Variants in NTM observed in about 807,000 individuals in gnomAD.
NTM encodes the protein IgLON family member 2.
Under a neutral mutation model 42.1 loss-of-function variants are expected in NTM, and 13 were observed. That is an observed-to-expected ratio of 0.31 (90% CI 0.20 to 0.49). The LOEUF (loss-of-function observed/expected upper bound fraction) is 0.49. Ranked by LOEUF, NTM falls within the 20% of genes least tolerant of loss-of-function variation. The probability of loss-of-function intolerance (pLI) is 0.99; values close to 1 mark genes in which losing one functional copy is unlikely to be tolerated. For synonymous variants in NTM, 187 were observed against 179.2 expected (o/e 1.04, Z -0.35); for missense variants, 373 against 452.8 (o/e 0.82, Z 1.60).
intron 4 of NTM, among the ~76,000 whole-genome samples, chr11:132,282,976 CTTTTTT>C (rs142817071): frequency 0.017 from 1,802 of 109,004 alleles, 26 homozygotes; most frequent in African/African-American, 0.057. Context: ...TCCTTTATTC[CTTTTTT>C]TTTTTTTTTT....
At chr11:131,549,691 CAGAA>C (rs1334497000) in intron 1 of NTM, among the ~76,000 whole-genome samples, 48 of 152,288 alleles carry the variant, frequency 3.2e-4, no homozygotes, top group African/African-American at 1.1e-3. Context: ...CTTCGATCCT[CAGAA>C]AGGGTTTTCA....
intron 1 of NTM, among the ~76,000 whole-genome samples, chr11:131,685,880 G>C (rs1250682138): frequency 6.6e-6 from 1 of 152,194 alleles, no homozygotes; most frequent in Admixed American, 6.5e-5. Context: ...TTAGAATCAA[G>C]TCATGGTAAC....
chr11:131,705,982 T>C (rs2076553604), intron 1 of NTM, among the ~76,000 whole-genome samples: 1 of 152,064 alleles, frequency 6.6e-6, no homozygotes, highest in African/African-American at 2.4e-5. Context: ...AGTCCTTATC[T>C]ATCAATAATT....
At chr11:131,598,403 C>T (rs143918718) in intron 1 of NTM, among the ~76,000 whole-genome samples, 5 of 152,294 alleles carry the variant, frequency 3.3e-5, no homozygotes, top group East Asian at 3.9e-4. Flanking sequence ...TTGTACTACA[C>T]GCTTGTCTTT....
intron 2 of NTM, among the ~76,000 whole-genome samples, chr11:131,964,800 C>T (rs1165298952): frequency 2.0e-5 from 3 of 152,152 alleles, no homozygotes; most frequent in Non-Finnish European, 4.4e-5. Context: ...AATGCAGTAT[C>T]ACCAGCTTGA....
intron 3 of NTM, among the ~76,000 whole-genome samples, chr11:132,177,227 A>T (rs1341924503): frequency 6.6e-6 from 1 of 152,256 alleles, no homozygotes; most frequent in Non-Finnish European, 1.5e-5. Flanking sequence ...TACATGCATG[A>T]TTCAACATAA....
At chr11:131,770,240 C>T (rs936910698) in intron 1 of NTM, among the ~76,000 whole-genome samples, 3 of 152,226 alleles carry the variant, frequency 2.0e-5, no homozygotes, top group Admixed American at 1.3e-4. Flanking sequence ...CCAGAAGTCC[C>T]CGCTGAGCAG....
In NTM at chr11:131,549,619, C is replaced by T. The variant is rs182407533; in HGVS notation, c.82+178731C>T. Among the ~76,000 whole-genome samples the T allele has an allele frequency of 5.6e-3, 859 of 152,262 alleles. 7 individuals carry two copies. Among genetic ancestry groups the T allele is most frequent in the African/African-American group, 0.02 (822 of 41,546 alleles). ...GCTCCAAGGAAGGGAACTAGCCCGC[C>T]CAAGCCACAAGGGGCTGTGCTTTCT... On this transcript the variant is annotated intron_variant, in intron 1 of 8. Coordinates refer to ENST00000683400, the MANE Select transcript of NTM (RefSeq NM_001352005.2).
intron 1 of NTM, among the ~76,000 whole-genome samples, chr11:131,806,927 A>G (rs2136277389): frequency 6.6e-6 from 1 of 152,362 alleles, no homozygotes; most frequent in African/African-American, 2.4e-5. Flanking sequence ...TTATTAGGGT[A>G]TAAATATTGC....
chr11:131,565,530 T>C (rs2056786916), intron 1 of NTM, among the ~76,000 whole-genome samples: 2 of 152,318 alleles, frequency 1.3e-5, no homozygotes, highest in South Asian at 4.1e-4. Context: ...AACATCTTTG[T>C]TGTCATGGCT....
chr11:131,382,255 G>GTGC (rs1942780647), intron 1 of NTM, among the ~76,000 whole-genome samples: 1 of 152,112 alleles, frequency 6.6e-6, no homozygotes, highest in Non-Finnish European at 1.5e-5. Flanking sequence ...GGGAGACTGG[G>GTGC]ATCCTTCCTG....
At chr11:131,868,605 C>T (rs2047457192) in intron 1 of NTM, among the ~76,000 whole-genome samples, 2 of 152,232 alleles carry the variant, frequency 1.3e-5, no homozygotes, top group Non-Finnish European at 2.9e-5. Context: ...TTTGCCCTCC[C>T]TCTTCGAGAG....
At chr11:131,951,573 A>G (rs2060986693) in intron 2 of NTM, among the ~76,000 whole-genome samples, 2 of 152,112 alleles carry the variant, frequency 1.3e-5, no homozygotes, top group Admixed American at 6.5e-5. Context: ...ATGAAAGTCC[A>G]GCTTCTTTGG....
chr11:131,663,984 A>G (rs1019261617), intron 1 of NTM, among the ~76,000 whole-genome samples: 1 of 152,160 alleles, frequency 6.6e-6, no homozygotes. Flanking sequence ...CTGCTTTGGG[A>G]TGAAAATTCT....
chr11:131,543,751 G>T (rs1033844662), intron 1 of NTM, among the ~76,000 whole-genome samples: 1 of 152,178 alleles, frequency 6.6e-6, no homozygotes, highest in East Asian at 1.9e-4. Context: ...GCTGGTGCCC[G>T]TAGCCCTGCA....
intron 3 of NTM, among the ~76,000 whole-genome samples, chr11:132,150,836 T>G (rs2071735267): frequency 6.6e-6 from 1 of 152,268 alleles, no homozygotes; most frequent in South Asian, 2.1e-4. Context: ...AATACTAACA[T>G]GTCTAAAGAT....
chr11:131,397,319 T>C (rs1390848788), intron 1 of NTM, among the ~76,000 whole-genome samples: 1 of 152,114 alleles, frequency 6.6e-6, no homozygotes, highest in Non-Finnish European at 1.5e-5. Context: ...GCCAACTAGA[T>C]AGCAGATGCC....
At chr11:131,413,809 T>G (rs1459936332) in intron 1 of NTM, among the ~76,000 whole-genome samples, 7 of 152,004 alleles carry the variant, frequency 4.6e-5, no homozygotes. Context: ...GGACAAGTTA[T>G]GGAGATGAAA....
intron 1 of NTM, among the ~76,000 whole-genome samples, chr11:131,837,055 CTT>C (rs2043593182): frequency 6.6e-6 from 1 of 152,132 alleles, no homozygotes; most frequent in African/African-American, 2.4e-5. Context: ...TGTCCTTAAA[CTT>C]TAGATTACAG....
Sources: gnomAD v4.1 joint callset for allele counts (sites outside exome capture counted in the v4.1 genomes callset) on GRCh38, gnomAD v4.1.1 for gene constraint, MANE v1.5 for transcripts, NCBI Gene and HGNC (gene_info 2026-07-23, HGNC 2026-07-21) for gene names.